The following ABCC4 variants were observed in gnomAD, a reference collection of about 807,000 sequenced individuals.
The protein encoded by ABCC4 is ATP-binding cassette sub-family C member 4.
Under a neutral mutation model 168.5 loss-of-function variants are expected in ABCC4, and 102 were observed. The observed-to-expected ratio is 0.61, with a 90% confidence interval of 0.52 to 0.71. The LOEUF (loss-of-function observed/expected upper bound fraction) is 0.71. Among genes scored for constraint, ABCC4 ranks in the 30% least tolerant of loss-of-function variants. The probability of loss-of-function intolerance (pLI) is 0.00; values close to 1 mark genes in which losing one functional copy is unlikely to be tolerated. For synonymous variants in ABCC4, 617 were observed against 590.7 expected (o/e 1.04, Z -0.65); for missense variants, 1,402 against 1,605.8 (o/e 0.87, Z 2.17).
intron 4 of ABCC4, among the ~76,000 whole-genome samples, chr13:95,216,591 T>C (rs1014318350): frequency 2.6e-5 from 3 of 115,844 alleles, no homozygotes; most frequent in Non-Finnish European, 3.4e-5. Flanking sequence ...GAGCAAAGAA[T>C]GTGTGCAGGA....
At chr13:95,095,301 T>TCTATCTAC (rs2034556985) in intron 20 of ABCC4, among the ~76,000 whole-genome samples, 1 of 151,556 alleles carries the variant, frequency 6.6e-6, no homozygotes, top group Non-Finnish European at 1.5e-5. Flanking sequence ...TATCTATCTA[T>TCTATCTAC]CTATCTATCT....
At chr13:95,273,490 T>C (rs2138888452) in intron 1 of ABCC4, among the ~76,000 whole-genome samples, 1 of 152,290 alleles carries the variant, frequency 6.6e-6, no homozygotes, top group African/African-American at 2.4e-5. Flanking sequence ...GAGCAGATCA[T>C]TGAAAATACA....
At chr13:95,168,770 T>C (rs1240197967) in intron 14 of ABCC4, among the ~76,000 whole-genome samples, 2 of 152,194 alleles carry the variant, frequency 1.3e-5, no homozygotes, top group East Asian at 1.9e-4. Flanking sequence ...AAACCACCGC[T>C]GGGCTGAGAA....
intron 11 of ABCC4, among the ~76,000 whole-genome samples, chr13:95,183,827 T>A (rs1442862523): frequency 6.6e-6 from 1 of 151,990 alleles, no homozygotes; most frequent in Non-Finnish European, 1.5e-5. Flanking sequence ...GGCAGGAGAA[T>A]CACTGGAGCC....
At chr13:95,216,935 C>T (rs978418691) in intron 4 of ABCC4, among the ~76,000 whole-genome samples, 3 of 152,128 alleles carry the variant, frequency 2.0e-5, no homozygotes, top group Non-Finnish European at 1.5e-5. Flanking sequence ...CATTAAAATG[C>T]TATTTGTAAT....
At chr13:95,255,427 C>G (rs555934927) in intron 1 of ABCC4, among the ~76,000 whole-genome samples, 1 of 152,234 alleles carries the variant, frequency 6.6e-6, no homozygotes, top group African/African-American at 2.4e-5. Flanking sequence ...CCCTAAAGTT[C>G]AACGATCACC....
At chr13:95,089,776 G>A (rs1455248049) in intron 20 of ABCC4, among the ~76,000 whole-genome samples, 2 of 151,822 alleles carry the variant, frequency 1.3e-5, no homozygotes, top group Admixed American at 6.6e-5. Context: ...TATAAATAGT[G>A]GCAAGAAAAC....
intron 4 of ABCC4, among the ~76,000 whole-genome samples, chr13:95,217,888 G>A (rs1039302781): frequency 2.0e-5 from 3 of 152,042 alleles, no homozygotes; most frequent in African/African-American, 4.8e-5. Context: ...CACACTTTTC[G>A]GATTCGGGTA....
At chr13:95,074,573 A>G (rs2033836095) in intron 22 of ABCC4, among the ~76,000 whole-genome samples, 1 of 152,220 alleles carries the variant, frequency 6.6e-6, no homozygotes, top group Non-Finnish European at 1.5e-5. Context: ...TAAAGAACTG[A>G]GAAAAGTAGT....
At chr13:95,067,520 T>TG (rs2033589542) in intron 25 of ABCC4, among the ~76,000 whole-genome samples, 2 of 150,742 alleles carry the variant, frequency 1.3e-5, no homozygotes, top group South Asian at 4.2e-4. Flanking sequence ...GGGGCAGGAG[T>TG]GGGGGTGGTT....
chr13:95,156,622 T>A (rs2036864914), intron 19 of ABCC4, among the ~76,000 whole-genome samples: 1 of 152,124 alleles, frequency 6.6e-6, no homozygotes, highest in African/African-American at 2.4e-5. Flanking sequence ...CCAGAAAATA[T>A]CTGCAAATGC....
intron 7 of ABCC4, 96 bp downstream of exon 7, chr13:95,207,704 C>G (rs1428338841): frequency 7.4e-7 from 1 of 1,355,054 alleles, no homozygotes; most frequent in Non-Finnish European, 1.0e-6. Context: ...ACTGAACTTC[C>G]CATAATGTGA....
chr13:95,133,216 C>A (rs1181025530), intron 19 of ABCC4, among the ~76,000 whole-genome samples: 2 of 147,414 alleles, frequency 1.4e-5, no homozygotes, highest in African/African-American at 5.1e-5. Flanking sequence ...TGGGTTCAAG[C>A]AATTCTCCCA....
intron 20 of ABCC4, among the ~76,000 whole-genome samples, chr13:95,112,076 G>C (rs565782326): frequency 2.6e-5 from 4 of 152,206 alleles, no homozygotes; most frequent in Admixed American, 6.5e-5. Context: ...CATGAGGCCA[G>C]GTGCAGTGGC....
At chr13:95,242,991 T>C (rs1210976135) in intron 3 of ABCC4, among the ~76,000 whole-genome samples, 2 of 152,174 alleles carry the variant, frequency 1.3e-5, no homozygotes, top group Non-Finnish European at 2.9e-5. Flanking sequence ...AGACACAAGG[T>C]TAAAATGAGC....
intron 19 of ABCC4, among the ~76,000 whole-genome samples, chr13:95,156,065 T>C (rs1353831013): frequency 6.6e-6 from 1 of 152,218 alleles, no homozygotes; most frequent in Non-Finnish European, 1.5e-5. Context: ...TCATAATGTA[T>C]GCTTCAGGAA....
intron 20 of ABCC4, among the ~76,000 whole-genome samples, chr13:95,100,940 C>T (rs2034780917): frequency 6.6e-6 from 1 of 152,182 alleles, no homozygotes; most frequent in Admixed American, 6.6e-5. Flanking sequence ...CACACTTTCC[C>T]TGACATCTCT....
chr13:95,058,594 A>AAAAAAAAAAAAAAAAAAAAAG (rs2033163283), intron 26 of ABCC4, among the ~76,000 whole-genome samples: 23 of 41,396 alleles, frequency 5.6e-4, no homozygotes, highest in Non-Finnish European at 6.5e-4. Context: ...AAAAAAAAAG[A>AAAAAAAAAAAAAAAAAAAAAG]AAAGAAAAAG....
At chr13:95,159,154 C>A (rs1275323084) in intron 19 of ABCC4, among the ~76,000 whole-genome samples, 1 of 126,544 alleles carries the variant, frequency 7.9e-6, no homozygotes, top group Non-Finnish European at 1.6e-5. Flanking sequence ...TGCATACAAT[C>A]AGTAATGTGA....
Sources: gnomAD v4.1 joint callset for allele counts (sites outside exome capture counted in the v4.1 genomes callset) on GRCh38, gnomAD v4.1.1 for gene constraint, MANE v1.5 for transcripts, NCBI Gene and HGNC (gene_info 2026-07-23, HGNC 2026-07-21) for gene names.